ANO10: variants seen among roughly 807,000 people sequenced by gnomAD.
ANO10 encodes the protein anoctamin 10, also known as anoctamin-10.
In ANO10, 77 loss-of-function variants were observed where a neutral mutation model predicts 74.7. The ratio of observed to expected loss-of-function variants is 1.03; its 90% confidence interval spans 0.86 to 1.25. The LOEUF (loss-of-function observed/expected upper bound fraction) is 1.25. Among genes scored for constraint, ANO10 ranks in the 50% most tolerant of loss-of-function variants. The probability of loss-of-function intolerance (pLI) is 0.00; values close to 1 mark genes in which losing one functional copy is unlikely to be tolerated. For synonymous variants in ANO10, 279 were observed against 284.9 expected, an observed-to-expected ratio of 0.98 and a Z score of 0.21; for missense variants, 721 against 778.1, an observed-to-expected ratio of 0.93 and a Z score of 0.87.
chr3:43,614,360 C>T (rs776247382), intron 1 of ANO10, among the ~76,000 whole-genome samples: 8 of 152,082 alleles, frequency 5.3e-5, no homozygotes, highest in Admixed American at 2.6e-4. Flanking sequence ...CAAGGCACAA[C>T]CTTAACAGTA....
intron 11 of ANO10, among the ~76,000 whole-genome samples, chr3:43,470,376 C>T (rs535847910): frequency 1.3e-5 from 2 of 152,106 alleles, no homozygotes; most frequent in Non-Finnish European, 2.9e-5. Context: ...CTTTTTGAGA[C>T]GGAGTCTCGT....
At chr3:43,459,354 T>C (rs576544574) in intron 11 of ANO10, among the ~76,000 whole-genome samples, 2 of 152,278 alleles carry the variant, frequency 1.3e-5, no homozygotes, top group Admixed American at 6.5e-5. Flanking sequence ...GATAACCAAA[T>C]TGAGCATCAT....
rs2083421667 is a variant in ANO10 at position 43,621,983 on chromosome 3, G to A, written c.-86C>T. The A allele has an allele frequency of 6.6e-6, 1 of 152,652 alleles. No individual in the cohort carries two copies. The highest frequency in any genetic ancestry group is 1.5e-5 in the Non-Finnish European group (1 of 68,402). 9.5% of individuals were successfully genotyped at this position (152,652 alleles called of 1,614,324 possible). A position where few individuals can be genotyped will look rare whatever the true frequency, so the allele number is the denominator to read the frequency against. On this transcript the variant is annotated 5_prime_UTR_variant, in exon 1 of 13. Coordinates refer to ENST00000292246, the MANE Select transcript of ANO10 (RefSeq NM_018075.5). ...AGAACCGGAGGCCGGGCGAAAGAGT[G>A]CTCGGTGCGGGGGGCGGGCCAGGCC...
chr3:43,649,988 C>G (rs1251466135), intron 1 of ANO10, among the ~76,000 whole-genome samples: 1 of 152,060 alleles, frequency 6.6e-6, no homozygotes, highest in Non-Finnish European at 1.5e-5. Context: ...ACTCTTTTAG[C>G]CTTGCTGTCC....
intron 7 of ANO10, among the ~76,000 whole-genome samples, chr3:43,566,437 T>A (rs1056727908): frequency 5.3e-5 from 8 of 152,178 alleles, no homozygotes; most frequent in Admixed American, 5.2e-4. Context: ...AATATCCCTG[T>A]CTGACAGCTT....
chr3:43,498,433 C>CT (rs2076988915), intron 11 of ANO10, among the ~76,000 whole-genome samples: 1 of 152,186 alleles, frequency 6.6e-6, no homozygotes, highest in Admixed American at 6.5e-5. Context: ...AGGACAATCC[C>CT]TGATGGCAGT....
chr3:43,658,651 G>A (rs1442172116), intron 1 of ANO10, among the ~76,000 whole-genome samples: 1 of 151,982 alleles, frequency 6.6e-6, no homozygotes, highest in African/African-American at 2.4e-5. Context: ...TGTATTTTTA[G>A]TAGAGACGGG....
intron 12 of ANO10, among the ~76,000 whole-genome samples, chr3:43,423,189 T>C (rs76760903): frequency 0.063 from 9,552 of 152,080 alleles, 411 homozygotes; most frequent in Admixed American, 0.11. Context: ...CCACATACAA[T>C]TCTTCAGAAT....
At position 43,431,489 on chromosome 3, in the gene ANO10, T is replaced by G. The variant is rs80086667; in HGVS notation, c.1914+1122A>C. Among the ~76,000 whole-genome samples the G allele has an allele frequency of 1.4e-3, 209 of 151,980 alleles. 2 individuals carry two copies. Among genetic ancestry groups the G allele is most frequent in the African/African-American group, 4.8e-3 (200 of 41,510 alleles). On this transcript the variant is annotated intron_variant, in intron 12 of 12. Coordinates refer to ENST00000292246, the MANE Select transcript of ANO10 (RefSeq NM_018075.5). Reference sequence around the variant, plus strand: ...GAAGAATGCTAGCTGTCAGTGATGATGATGGATTTTCTGCCATTGCTGGGA... The same window carrying G: ...GAAGAATGCTAGCTGTCAGTGATGAGGATGGATTTTCTGCCATTGCTGGGA...
intron 12 of ANO10, among the ~76,000 whole-genome samples, chr3:43,401,956 G>A (rs1176604851): frequency 6.6e-6 from 1 of 152,096 alleles, no homozygotes; most frequent in East Asian, 1.9e-4. Flanking sequence ...TGATGATGTG[G>A]TACAGCTCTG....
chr3:43,413,520 T>C (rs1344207362), intron 12 of ANO10, among the ~76,000 whole-genome samples: 1 of 151,810 alleles, frequency 6.6e-6, no homozygotes, highest in Admixed American at 6.6e-5. Context: ...TGTTCCTGCT[T>C]CACCTTCACC....
intron 1 of ANO10, among the ~76,000 whole-genome samples, chr3:43,679,769 A>G (rs563137509): frequency 6.6e-6 from 1 of 152,274 alleles, no homozygotes; most frequent in Non-Finnish European, 1.5e-5. Flanking sequence ...AGGCAGCAAC[A>G]TTTACTGTTC....
chr3:43,648,834 G>A (rs1324350783), intron 1 of ANO10, among the ~76,000 whole-genome samples: 20 of 151,880 alleles, frequency 1.3e-4, no homozygotes, highest in African/African-American at 4.4e-4. Context: ...CCACCACCAC[G>A]TCCGGCTAAT....
intron 1 of ANO10, among the ~76,000 whole-genome samples, chr3:43,644,365 CACAGAG>C (rs1395127103): frequency 6.6e-6 from 1 of 152,122 alleles, no homozygotes; most frequent in Non-Finnish European, 1.5e-5. Flanking sequence ...TAATGCAGCA[CACAGAG>C]ACAAAGAAGC....
intron 11 of ANO10, among the ~76,000 whole-genome samples, chr3:43,504,625 A>G (rs1222362976): frequency 6.6e-6 from 1 of 152,062 alleles, no homozygotes; most frequent in Non-Finnish European, 1.5e-5. Context: ...AATATCAGAG[A>G]AATGACAGAA....
At chr3:43,467,868 T>C (rs1001666696) in intron 11 of ANO10, among the ~76,000 whole-genome samples, 14 of 152,216 alleles carry the variant, frequency 9.2e-5, no homozygotes, top group East Asian at 3.8e-4. Flanking sequence ...ACAAACCAAA[T>C]TGTAAAGACA....
At chr3:43,654,089 C>T (rs2083819435) in intron 1 of ANO10, among the ~76,000 whole-genome samples, 1 of 152,064 alleles carries the variant, frequency 6.6e-6, no homozygotes, top group Non-Finnish European at 1.5e-5. Context: ...GAGCCAGAGC[C>T]ACCAGCTCTG....
intron 11 of ANO10, among the ~76,000 whole-genome samples, chr3:43,541,866 T>C (rs2078972376): frequency 1.3e-5 from 2 of 152,144 alleles, no homozygotes. Flanking sequence ...TCCTAGGTTA[T>C]CCAAGGATGG....
At chr3:43,581,892 G>A (rs1323744996) in intron 4 of ANO10, among the ~76,000 whole-genome samples, 1 of 149,316 alleles carries the variant, frequency 6.7e-6, no homozygotes, top group African/African-American at 2.5e-5. Context: ...TGCCACTGCA[G>A]TCCGGCCTGG....
Sources: allele counts gnomAD v4.1 joint callset (sites outside exome capture counted in the v4.1 genomes callset), GRCh38; gene constraint gnomAD v4.1.1; transcripts MANE v1.5; gene names NCBI Gene and HGNC (gene_info 2026-07-23, HGNC 2026-07-21).